Variants in PCNX2 observed in about 807,000 individuals in gnomAD.
The protein encoded by PCNX2 is pecanex 2.
Under a neutral mutation model 223.8 loss-of-function variants are expected in PCNX2, and 168 were observed. The ratio of observed to expected loss-of-function variants is 0.75; its 90% CI spans 0.66 to 0.85. The LOEUF (loss-of-function observed/expected upper bound fraction) is 0.85, where lower values mean the gene tolerates loss of function less well. PCNX2 is among the 40% of genes least tolerant of loss of function. PCNX2 has a pLI of 0.00. For synonymous variants in PCNX2, 1,006 were observed against 1,052.6 expected (o/e 0.96, Z 0.86); for missense variants, 2,507 against 2,675.5 (o/e 0.94, Z 1.39).
chr1:233,318,563 C>CT, the PCNX2 span, among the ~76,000 whole-genome samples: 8,902 of 92,416 alleles, frequency 0.096, 654 homozygotes, highest in East Asian at 0.2. Context: ...TTTTCTTTTT[C>CT]TTTTTTTTTT....
intron 25 of PCNX2, among the ~76,000 whole-genome samples, chr1:233,035,134 A>G (rs370843520): frequency 6.6e-6 from 1 of 152,326 alleles, no homozygotes; most frequent in East Asian, 1.9e-4. Context: ...GGTCCCCTGC[A>G]ACAGAAAAGC....
At position 233,253,924 on chromosome 1, in the gene PCNX2, T is replaced by C. The variant is rs565216717; in HGVS notation, c.1835-1136A>G. Among the ~76,000 whole-genome samples, 6 of 152,308 alleles carry C rather than the reference T, an allele frequency of 3.9e-5. No homozygotes were observed. In the South Asian group the frequency reaches 1.0e-3, roughly 26 times the overall value. On this transcript the variant is annotated intron_variant, in intron 5 of 33. Coordinates refer to ENST00000258229, the MANE Select transcript of PCNX2 (RefSeq NM_014801.4). The surrounding 1 kb of genome is among the most constrained non-coding windows in gnomAD (Gnocchi z 4.2). ...GTCACTTTTAAGATCAAAAGGACCA[T>C]TGTACTCCCATGACTTACTCTGAGT...
chr1:233,241,445 G>T, intron 8 of PCNX2: 1 of 879,770 alleles, frequency 1.1e-6, no homozygotes, highest in Non-Finnish European at 1.4e-6. Context: ...TTTCTAATAC[G>T]TCTAAGAAAA....
At chr1:233,200,923 G>A (rs999536821) in intron 13 of PCNX2, among the ~76,000 whole-genome samples, 3 of 150,828 alleles carry the variant, frequency 2.0e-5, no homozygotes, top group African/African-American at 7.3e-5. Flanking sequence ...CTACTCGGGA[G>A]GCTGAGGCAG....
At chr1:233,210,364 A>G (rs111426434) in intron 12 of PCNX2, 7,545 of 152,320 alleles carry the variant, frequency 0.05, 599 homozygotes, top group African/African-American at 0.17. Context: ...TGCAACCTCT[A>G]TCTCCCAAGT....
intron 1 of PCNX2, among the ~76,000 whole-genome samples, chr1:233,263,873 G>A (rs765198591): frequency 6.6e-6 from 1 of 152,052 alleles, no homozygotes; most frequent in Non-Finnish European, 1.5e-5. Flanking sequence ...GCCTTGTGGA[G>A]AACAGAAGGA....
At chr1:233,068,339 A>G (rs1672707387) in intron 23 of PCNX2, among the ~76,000 whole-genome samples, 1 of 152,120 alleles carries the variant, frequency 6.6e-6, no homozygotes, top group Non-Finnish European at 1.5e-5. Context: ...CTACCCTGAA[A>G]TAATAGGTAA....
At chr1:233,263,715 C>G (rs1341134933) in intron 1 of PCNX2, among the ~76,000 whole-genome samples, 1 of 152,164 alleles carries the variant, frequency 6.6e-6, no homozygotes, top group Non-Finnish European at 1.5e-5. Flanking sequence ...TTCGACCTCT[C>G]AAAGTGCTGA....
At chr1:233,102,499 A>G (rs1406528262) in intron 21 of PCNX2, among the ~76,000 whole-genome samples, 1 of 152,086 alleles carries the variant, frequency 6.6e-6, no homozygotes, top group African/African-American at 2.4e-5. Context: ...TCCCGCCAAC[A>G]GGGTATAAGT....
At chr1:233,057,157 GTATT>G in intron 24 of PCNX2, 71 bp downstream of exon 24, 1 of 1,203,934 alleles carries the variant, frequency 8.3e-7, no homozygotes, top group Non-Finnish European at 1.2e-6. Context: ...TACAGAGTGA[GTATT>G]TAATTCTTCC....
intron 12 of PCNX2, among the ~76,000 whole-genome samples, chr1:233,216,036 T>C (rs762218868): frequency 6.6e-6 from 1 of 152,182 alleles, no homozygotes; most frequent in Non-Finnish European, 1.5e-5. Context: ...TCCTAAATCC[T>C]GGATATAATT....
intron 20 of PCNX2, among the ~76,000 whole-genome samples, chr1:233,138,585 C>A (rs1676938674): frequency 6.6e-6 from 1 of 152,162 alleles, no homozygotes; most frequent in South Asian, 2.1e-4. Context: ...TCACAAAGTT[C>A]TAAATTCTGG....
chr1:233,299,406 A>G (rs1006854240), upstream of PCNX2, among the ~76,000 whole-genome samples: 4 of 152,170 alleles, frequency 2.6e-5, no homozygotes, highest in South Asian at 8.3e-4. Flanking sequence ...TTCTATATCA[A>G]TGAAGGGAAG....
Position 233,195,518 on chromosome 1 carries a change from T to C in PCNX2, c.3066+3421A>G, listed in dbSNP as rs115484434. Among the ~76,000 whole-genome samples, 974 of 152,292 alleles carry C rather than the reference T, an allele frequency of 6.4e-3. 7 individuals are homozygous for C. Among genetic ancestry groups the C allele is most frequent in the Middle Eastern group, 0.031 (9 of 294 alleles). ...GGCTGGAAAGGAAAATAAAATTGTGTTTATTGATAGACATGACAATCTATG... is the reference window on the plus strand; with the variant it reads ...GGCTGGAAAGGAAAATAAAATTGTGCTTATTGATAGACATGACAATCTATG... On this transcript the variant is annotated intron_variant, in intron 15 of 33. Transcript: ENST00000258229.
rs1234539771 is a variant in PCNX2, at chr1:233,289,750, GA to G, written c.153+5575del. On this transcript the variant is annotated intron_variant, in intron 1 of 33. Transcript: ENST00000258229. The stretch of plus-strand genomic sequence containing the variant: ...TAACAGAGAAAGCCTTTCTTTTGAG[GA>G]AACTGGATAACAATGCTAGGACTGA... Among the ~76,000 whole-genome samples the G allele has an allele frequency of 6.6e-5, 10 of 152,346 alleles. No homozygotes were observed. The East Asian group carries it at 1.9e-3, about 29-fold the overall frequency.
chr1:233,126,395 C>G lies in PCNX2; in HGVS notation c.3837+8618G>C, dbSNP rs1676097203. 6.6e-6 allele frequency among the ~76,000 whole-genome samples: 1 copy of G among 151,924 alleles called. No individual in the cohort carries two copies. The highest frequency in any genetic ancestry group is 2.1e-4 in the South Asian group (1 of 4,812). ...CTCTGCAGGGGTCAAAAGGAAGAGG[C>G]AACATGATATGCACTGTCATGGAAA... On this transcript the variant is annotated intron_variant, in intron 21 of 33. Transcript: ENST00000258229. This position sits in a 1 kb window ranked among gnomAD's most constrained non-coding sequence, Gnocchi z 4.8.
At chr1:233,082,731 G>A (rs912653706) in intron 23 of PCNX2, among the ~76,000 whole-genome samples, 6 of 152,140 alleles carry the variant, frequency 3.9e-5, no homozygotes, top group South Asian at 2.1e-4. Context: ...CAGCTTAGTG[G>A]GTAGGAAGCA....
chr1:233,213,850 CAG>C (rs1430140579), intron 12 of PCNX2, among the ~76,000 whole-genome samples: 1 of 96,374 alleles, frequency 1.0e-5, no homozygotes, highest in African/African-American at 4.1e-5. Context: ...TTTTTTGAGA[CAG>C]AGTCTCACTC....
At chr1:232,998,522 CG>C in intron 31 of PCNX2, 84 bp from the exon 32 acceptor site, 1 of 1,490,976 alleles carries the variant, frequency 6.7e-7, no homozygotes, top group Non-Finnish European at 9.1e-7. Context: ...TTGCCTAAAT[CG>C]GGATCGAAGA....
Sources: allele counts gnomAD v4.1 joint callset (sites outside exome capture counted in the v4.1 genomes callset), GRCh38; gene constraint gnomAD v4.1.1; non-coding constraint Gnocchi (gnomAD v3.1); transcripts MANE v1.5; gene names NCBI Gene and HGNC (gene_info 2026-07-23, HGNC 2026-07-21).